Variants in UGT1A9 observed in about 807,000 individuals in gnomAD.
UGT1A9 encodes UDP glucuronosyltransferase family 1 member A9, also known as UDP-glucuronosyltransferase 1A9.
Under a neutral mutation model 45.0 loss-of-function variants are expected in UGT1A9, and 35 were observed. That is an observed-to-expected ratio of 0.78 (90% CI 0.59 to 1.03). UGT1A9 has a LOEUF of 1.03. UGT1A9 is among the 50% of genes least tolerant of loss of function. The pLI is 0.00. For synonymous variants in UGT1A9, 278 were observed against 250.6 expected, an observed-to-expected ratio of 1.11 and a Z score of -1.03; for missense variants, 687 against 666.6, an observed-to-expected ratio of 1.03 and a Z score of -0.34.
At position 233,772,444 on chromosome 2, in the gene UGT1A9, T is replaced by C; in HGVS notation, c.1478T>C (p.Leu493Ser). 6.2e-7 allele frequency: 1 copy of C among 1,614,228 alleles called. No homozygotes were observed. Among genetic ancestry groups the C allele is most frequent in the South Asian group, 1.1e-5 (1 of 91,086 alleles). The change falls in exon 5 of 5, where the codon TTG (leucine) becomes TCG (serine). Residue 493 changes from leucine to serine, a missense_variant. Coordinates refer to ENST00000354728, the MANE Select transcript of UGT1A9 (RefSeq NM_021027.3). ...TCCTTGGACGTGATTGGTTTCCTCT[T>C]GGCCGTCGTGCTGACAGTGGCCTTC... ...YHSLDVIGFL[L>S]AVVLTVAFIT...
At chr2:233,697,870 T>C (rs568003090) in intron 1 of UGT1A9, among the ~76,000 whole-genome samples, 274 of 152,348 alleles carry the variant, frequency 1.8e-3, no homozygotes, top group African/African-American at 6.4e-3. Context: ...ATTTATTTAA[T>C]GATTTCTTAC....
intron 1 of UGT1A9, among the ~76,000 whole-genome samples, chr2:233,676,599 C>T (rs566895330): frequency 6.6e-6 from 1 of 152,138 alleles, no homozygotes; most frequent in Non-Finnish European, 1.5e-5. Flanking sequence ...CATCATGTCT[C>T]CTTTGTCTCC....
chr2:233,676,773 A>G (rs1266780770), intron 1 of UGT1A9, among the ~76,000 whole-genome samples: 5 of 152,190 alleles, frequency 3.3e-5, no homozygotes, highest in African/African-American at 1.2e-4. Context: ...TTTTGGTAGG[A>G]AGACACAGAG....
At chr2:233,755,074 C>A in intron 1 of UGT1A9, 1 of 1,336,598 alleles carries the variant, frequency 7.5e-7, no homozygotes, top group Non-Finnish European at 1.0e-6. Flanking sequence ...CCATAGCGGT[C>A]ATAGATATCG....
intron 1 of UGT1A9, among the ~76,000 whole-genome samples, chr2:233,732,928 C>A (rs2078337101): frequency 6.6e-6 from 1 of 152,058 alleles, no homozygotes; most frequent in African/African-American, 2.4e-5. Flanking sequence ...GATATTGATT[C>A]TTCCTATCCA....
At position 233,725,210 on chromosome 2, in the gene UGT1A9, AGAGGCAGAG is replaced by A. The variant is rs55801126; in HGVS notation, c.856-41813_856-41805del. The stretch of plus-strand genomic sequence containing the variant: ...CAGAGGCAGAGGCAGAGGCAGAGGC[AGAGGCAGAG>A]GAGGCAGAGGCAGAGGAGGCAGAGG... On this transcript the variant is annotated intron_variant, in intron 1 of 4. Transcript: ENST00000354728. 6.2e-4 allele frequency among the ~76,000 whole-genome samples: 55 copies of A among 88,388 alleles called. 3 individuals are homozygous for A. The highest frequency in any genetic ancestry group is 1.8e-3 in the South Asian group (4 of 2,232). 58.0% of individuals were successfully genotyped at this position (88,388 alleles called of 152,430 possible).
At chr2:233,754,611 T>C (rs562553027) in intron 1 of UGT1A9, 1 of 437,308 alleles carries the variant, frequency 2.3e-6, no homozygotes, top group Non-Finnish European at 4.6e-6. Context: ...CAACTCTCCA[T>C]CTTCCTCCAC....
At chr2:233,748,095 T>G (rs1186199054) in intron 1 of UGT1A9, 80 of 1,612,722 alleles carry the variant, frequency 5.0e-5, no homozygotes, top group Non-Finnish European at 6.3e-5. Context: ...TGTTCGTGCC[T>G]TCATCCAATC....
intron 1 of UGT1A9, chr2:233,760,416 G>A (rs1575772039): frequency 6.2e-7 from 1 of 1,614,218 alleles, no homozygotes; most frequent in East Asian, 2.2e-5. Flanking sequence ...GGCTGAGCAT[G>A]CTTGGGGCCA....
intron 1 of UGT1A9, among the ~76,000 whole-genome samples, chr2:233,680,186 T>G (rs899898356): frequency 1.3e-5 from 2 of 152,196 alleles, no homozygotes; most frequent in Admixed American, 1.3e-4. Context: ...TTGGGAGTAC[T>G]TGCAGCATCA....
At chr2:233,708,113 A>G (rs956994077) in intron 1 of UGT1A9, among the ~76,000 whole-genome samples, 2 of 152,226 alleles carry the variant, frequency 1.3e-5, no homozygotes, top group African/African-American at 4.8e-5. Context: ...ACATCTTAGT[A>G]TATGACTCAC....
intron 1 of UGT1A9, among the ~76,000 whole-genome samples, chr2:233,704,025 G>T (rs2075764465): frequency 6.6e-6 from 1 of 151,894 alleles, no homozygotes; most frequent in Non-Finnish European, 1.5e-5. Flanking sequence ...CGAGCAGCTG[G>T]AACTACAGGT....
intron 1 of UGT1A9, among the ~76,000 whole-genome samples, chr2:233,737,983 G>A (rs936193524): frequency 6.6e-6 from 1 of 151,932 alleles, no homozygotes; most frequent in African/African-American, 2.4e-5. Flanking sequence ...ATATGGTTTG[G>A]CTCTGTGTCC....
intron 1 of UGT1A9, among the ~76,000 whole-genome samples, 196 bp from the exon 2 acceptor site, chr2:233,766,838 C>CCCTTCCTCCTTTAGAAG (rs1182719018): frequency 3.9e-5 from 6 of 152,156 alleles, no homozygotes; most frequent in African/African-American, 1.2e-4. Context: ...TAAGCAGGAA[C>CCCTTCCTCCTTTAGAAG]CCTTCCTCCT....
intron 1 of UGT1A9, among the ~76,000 whole-genome samples, chr2:233,757,287 C>A (rs1434964623): frequency 1.2e-4 from 14 of 112,536 alleles, no homozygotes; most frequent in Non-Finnish European, 2.2e-4. Context: ...TCAGAAGGGA[C>A]AGCTGGGGGT....
At chr2:233,674,110 C>A (rs1172511000) in intron 1 of UGT1A9, among the ~76,000 whole-genome samples, 1 of 152,074 alleles carries the variant, frequency 6.6e-6, no homozygotes, top group Non-Finnish European at 1.5e-5. Flanking sequence ...ATGGAGTATA[C>A]AATTTATCTA....
chr2:233,687,647 A>G (rs1455548663), intron 1 of UGT1A9, among the ~76,000 whole-genome samples: 1 of 151,938 alleles, frequency 6.6e-6, no homozygotes, highest in Non-Finnish European at 1.5e-5. Context: ...TCACACATGT[A>G]ATCACAGCAC....
At chr2:233,753,727 C>T (rs767953067) in intron 1 of UGT1A9, 2 of 152,174 alleles carry the variant, frequency 1.3e-5, no homozygotes, top group African/African-American at 2.4e-5. Flanking sequence ...ATTTGATATG[C>T]CCCAAGCACA....
At chr2:233,682,501 C>T in intron 1 of UGT1A9, 1 of 1,613,958 alleles carries the variant, frequency 6.2e-7, no homozygotes, top group South Asian at 1.1e-5. Flanking sequence ...CTCCTCTTTC[C>T]TATGTCCCCA....
Sources: allele counts gnomAD v4.1 joint callset (sites outside exome capture counted in the v4.1 genomes callset), GRCh38; gene constraint gnomAD v4.1.1; transcripts MANE v1.5; gene names NCBI Gene and HGNC (gene_info 2026-07-23, HGNC 2026-07-21).